ULK1: variants seen among roughly 807,000 people sequenced by gnomAD.
The protein encoded by ULK1 is unc-51 like autophagy activating kinase 1, also known as serine/threonine-protein kinase ULK1.
A neutral mutation model predicts 117.5 loss-of-function variants in ULK1; 48 were observed. That is an observed-to-expected ratio of 0.41 (90% confidence interval 0.32 to 0.52). ULK1 has a LOEUF of 0.52. ULK1 is among the 20% of genes least tolerant of loss of function. The pLI is 0.29. For synonymous variants in ULK1, 790 were observed against 637.8 expected, an observed-to-expected ratio of 1.24 and a Z score of -3.60; for missense variants, 1,387 against 1,473.4, an observed-to-expected ratio of 0.94 and a Z score of 0.96.
At chr12:131,919,624 G>C in intron 25 of ULK1, 34 bp downstream of exon 25, 3 of 1,600,688 alleles carry the variant, frequency 1.9e-6, no homozygotes, top group Non-Finnish European at 2.6e-6. Flanking sequence ...CACATGCCGG[G>C]TTGGGGAGGA....
At chr12:131,907,460 C>T (rs1351511055) in intron 4 of ULK1, 35 bp from the exon 5 acceptor site, 1 of 1,610,358 alleles carries the variant, frequency 6.2e-7, no homozygotes, top group Non-Finnish European at 8.5e-7. Context: ...GCCCTGGGCC[C>T]TGCTGCAGCC....
intron 3 of ULK1, among the ~76,000 whole-genome samples, chr12:131,898,827 T>G (rs773915986): frequency 5.3e-5 from 8 of 152,018 alleles, no homozygotes; most frequent in Non-Finnish European, 8.8e-5. Flanking sequence ...ATGAATGAGC[T>G]TCCCTATCCG....
chr12:131,902,555 T>A lies in ULK1; in HGVS notation c.247-4337T>A, dbSNP rs971951490. The stretch of plus-strand genomic sequence containing the variant: ...GCCTGGAGACAGTGGGGTGTTGATA[T>A]TGCTGTCTTTTTGAAGTGTTCTGAG... On this transcript the variant is annotated intron_variant, in intron 3 of 27. Coordinates refer to ENST00000321867, the MANE Select transcript of ULK1 (RefSeq NM_003565.4). The surrounding 1 kb of genome is among the most constrained non-coding windows in gnomAD (Gnocchi z 6.3). Among the ~76,000 whole-genome samples, 1 of 152,118 alleles carries A rather than the reference T, an allele frequency of 6.6e-6. No individual in the cohort carries two copies. The highest frequency in any genetic ancestry group is 1.5e-5 in the Non-Finnish European group (1 of 68,010).
At chr12:131,914,058 C>T (rs556173931) in intron 15 of ULK1, among the ~76,000 whole-genome samples, 1 of 83,402 alleles carries the variant, frequency 1.2e-5, no homozygotes, top group African/African-American at 5.2e-5. Flanking sequence ...CAACCAGGGA[C>T]GCCAGGGCCA....
rs534221104 is a variant in ULK1 at position 131,914,506 on chromosome 12, C to T, written c.1373+29C>T. 52 of 1,603,056 alleles carry T rather than the reference C, an allele frequency of 3.2e-5. 1 individual carries two copies. The Middle Eastern group carries it at 5.0e-4, about 15-fold the overall frequency. Reference sequence around the variant, plus strand: ...AGTGTGGAGCCCCCAGGTAGCCAGGCGTGGCTGGGGCCTTGTGTGGCAGGA... The same window carrying T: ...AGTGTGGAGCCCCCAGGTAGCCAGGTGTGGCTGGGGCCTTGTGTGGCAGGA... On this transcript the variant is annotated intron_variant, in intron 16 of 27. Coordinates refer to ENST00000321867, the MANE Select transcript of ULK1 (RefSeq NM_003565.4).
chr12:131,910,659 GT>G (rs774399202), intron 11 of ULK1, 52 bp from the exon 12 acceptor site: 8 of 1,612,888 alleles, frequency 5.0e-6, no homozygotes, highest in Non-Finnish European at 6.8e-6. Flanking sequence ...TGGCTCGAGG[GT>G]GAGGAGGAGA....
rs1182871684 is a variant in ULK1 at position 131,919,356 on chromosome 12, C to A, written c.2656C>A (p.Gln886Lys). ...GCTGCAGGAGAGTGTGGTGGCCGAC[C>A]AGATCAGCCTGCTGAGCCGAGAATG... ...YQLQESVVAD[Q>K]ISLLSREWGF... The change falls in exon 24 of 28, where the codon CAG becomes AAG. Residue 886 changes from glutamine (Q) to lysine (K), a missense_variant. Gln to Lys is a moderately conservative substitution (Grantham distance 53). Transcript: ENST00000321867. 1 of 1,549,940 alleles carries A rather than the reference C, an allele frequency of 6.5e-7. No homozygotes were observed. Among genetic ancestry groups the A allele is most frequent in the Non-Finnish European group, 8.7e-7 (1 of 1,148,790 alleles).
rs1219024181 is a variant in ULK1, at chr12:131,915,130, C to G, written c.1421C>G (p.Ala474Gly). 3.8e-6 allele frequency: 6 copies of G among 1,596,682 alleles called. No homozygotes were observed. Among genetic ancestry groups the G allele is most frequent in the Non-Finnish European group, 5.1e-6 (6 of 1,171,924 alleles). The change falls in exon 17 of 28, where the codon GCA becomes GGA. Residue 474 changes from alanine to glycine, a missense_variant. Coordinates refer to ENST00000321867, the MANE Select transcript of ULK1 (RefSeq NM_003565.4). ...GGCAGCACCAGCCCCCTGGGCTTTG[C>G]AAGGGCCAGCCCCTCGCCCCCTGCC... ...RSGSTSPLGF[A>G]RASPSPPAHA...
intron 26 of ULK1, 55 bp downstream of exon 26, chr12:131,920,191 G>A (rs749170731): frequency 2.6e-5 from 41 of 1,584,246 alleles, no homozygotes; most frequent in Middle Eastern, 1.7e-4. Flanking sequence ...CAGGCCCGCC[G>A]TCTCCACTGG....
intron 3 of ULK1, among the ~76,000 whole-genome samples, chr12:131,904,582 T>G (rs1368716633): frequency 1.3e-5 from 2 of 152,154 alleles, no homozygotes; most frequent in African/African-American, 4.8e-5. Flanking sequence ...GGTGAGTGGC[T>G]GGGGGATGGG....
Position 131,912,030 on chromosome 12 carries a change from G to C in ULK1, c.1037G>C (p.Gly346Ala), listed in dbSNP as rs765830327. 6 of 1,612,766 alleles carry C rather than the reference G, an allele frequency of 3.7e-6. No homozygotes were observed. The highest frequency in any genetic ancestry group is 1.7e-5 in the Admixed American group (1 of 60,000). Residue 346 changes from glycine (G) to alanine (A), a missense_variant, in exon 13 of 28, where the codon GGC (glycine) becomes GCC (alanine). Coordinates refer to ENST00000321867, the MANE Select transcript of ULK1 (RefSeq NM_003565.4). ...CTGCACAGCTCCCGGGACTCTGGTG[G>C]CAGCAAGGACTCTTCCTGTGACACA... ...GFLHSSRDSGGSKDSSCDTDD... is the reference protein window; with the variant it reads ...GFLHSSRDSGASKDSSCDTDD...
intron 3 of ULK1, among the ~76,000 whole-genome samples, chr12:131,901,311 T>A (rs1358535266): frequency 2.5e-4 from 37 of 150,444 alleles, no homozygotes; most frequent in Admixed American, 7.3e-4. Flanking sequence ...GTGAGCTGAG[T>A]TTGTGCCACT....
chr12:131,905,383 C>T (rs68077607), intron 3 of ULK1, among the ~76,000 whole-genome samples: 8,609 of 152,174 alleles, frequency 0.057, 789 homozygotes, highest in African/African-American at 0.2. Flanking sequence ...GGGGGCTGAG[C>T]AGGGGTCCTG....
intron 15 of ULK1, 77 bp from the exon 16 acceptor site, chr12:131,914,275 T>C: frequency 6.4e-7 from 1 of 1,569,194 alleles, no homozygotes; most frequent in Non-Finnish European, 8.6e-7. Context: ...TAGGCTTTCT[T>C]CTGGTGCCCC....
rs748075064 is a variant in ULK1 at position 131,918,654 on chromosome 12, C to G, written c.2484C>G (p.Pro828=). 15 of 1,605,050 alleles carry G rather than the reference C, an allele frequency of 9.3e-6. No homozygotes were observed. The highest frequency in any genetic ancestry group is 1.3e-5 in the African/African-American group (1 of 74,362). The change falls in exon 23 of 28, where the codon CCC becomes CCG. Residue 828 remains proline, a synonymous_variant. Transcript: ENST00000321867. ...AGGGGGCTGTGACCTTCGAGGCCCC[C>G]GACCTCCCTGAGGAGACCCTCATGG... is the stretch of plus-strand genomic sequence containing the variant. ...NLEGAVTFEA[P]DLPEETLMEQ...
At chr12:131,910,680 G>A in intron 11 of ULK1, 32 bp from the exon 12 acceptor site, 1 of 1,613,012 alleles carries the variant, frequency 6.2e-7, no homozygotes, top group Non-Finnish European at 8.5e-7. Context: ...ACAGGAGGAT[G>A]GCCCAGACTG....
rs1309011166 is a variant in ULK1, at chr12:131,903,680, T to G, written c.247-3212T>G. 6.6e-6 allele frequency among the ~76,000 whole-genome samples: 1 copy of G among 152,070 alleles called. No homozygotes were observed. The highest frequency in any genetic ancestry group is 2.4e-5 in the African/African-American group (1 of 41,416). On this transcript the variant is annotated intron_variant, in intron 3 of 27. Coordinates refer to ENST00000321867, the MANE Select transcript of ULK1 (RefSeq NM_003565.4). The surrounding 1 kb of genome is among the most constrained non-coding windows in gnomAD (Gnocchi z 6.0). ...CCCTACCCTGCAGCCCCACCCCCAG[T>G]GGCCTTGAGTCACCTGCTGGAGAGG... is the stretch of plus-strand genomic sequence containing the variant.
In ULK1 at chr12:131,921,713, C is replaced by A; in HGVS notation, c.*352C>A. Reference sequence around the variant, plus strand: ...GACCACTGCCGACTCAAAGCCAAAGCGAGCTCCTGCTTAGGGAAGGTCAGC... The same window carrying A: ...GACCACTGCCGACTCAAAGCCAAAGAGAGCTCCTGCTTAGGGAAGGTCAGC... On this transcript the variant is annotated 3_prime_UTR_variant, in exon 28 of 28. Coordinates refer to ENST00000321867, the MANE Select transcript of ULK1 (RefSeq NM_003565.4). 1 of 593,102 alleles carries A rather than the reference C, an allele frequency of 1.7e-6. No homozygotes were observed. Among genetic ancestry groups the A allele is most frequent in the South Asian group, 1.6e-5 (1 of 61,570 alleles). 36.7% of individuals were successfully genotyped at this position (593,102 alleles called of 1,614,324 possible). A position where few individuals can be genotyped will look rare whatever the true frequency, so the allele number is the denominator to read the frequency against.
At chr12:131,918,730 G>GGGTGTC (rs1889976377) in intron 23 of ULK1, 49 bp downstream of exon 23, 2 of 1,123,626 alleles carry the variant, frequency 1.8e-6, no homozygotes, top group Non-Finnish European at 2.4e-6. Flanking sequence ...GAGGGTGTGT[G>GGGTGTC]GGGTGTGTGG....
Sources: gnomAD v4.1 joint callset for allele counts (sites outside exome capture counted in the v4.1 genomes callset) on GRCh38, gnomAD v4.1.1 for gene constraint, Gnocchi (gnomAD v3.1) non-coding constraint, MANE v1.5 for transcripts, NCBI Gene and HGNC (gene_info 2026-07-23, HGNC 2026-07-21) for gene names.